The following ARFGEF1 variants were observed in gnomAD, a reference collection of about 807,000 sequenced individuals.
ARFGEF1 encodes ARF guanine nucleotide exchange factor 1.
Under a neutral mutation model 231.0 loss-of-function variants are expected in ARFGEF1, and 42 were observed. That is an observed-to-expected ratio of 0.18 (90% CI 0.14 to 0.24). The LOEUF (loss-of-function observed/expected upper bound fraction) is 0.24, where lower values mean the gene tolerates loss of function less well. Ranked by LOEUF, ARFGEF1 falls within the 10% of genes least tolerant of loss-of-function variation. The pLI is 1.00. For missense variants in ARFGEF1, 1,345 were observed against 2,192.0 expected, an observed-to-expected ratio of 0.61 and a Z score of 7.72; for synonymous variants, 710 against 732.3, an observed-to-expected ratio of 0.97 and a Z score of 0.49.
chr8:67,208,138 G>A (rs1174452705), intron 34 of ARFGEF1, among the ~76,000 whole-genome samples: 1 of 152,112 alleles, frequency 6.6e-6, no homozygotes, highest in African/African-American at 2.4e-5. Context: ...CTGTTCTTTG[G>A]AGAACAGAAA....
At chr8:67,191,634 T>C (rs1398702697) in intron 5 of ARFGEF1, among the ~76,000 whole-genome samples, 1 of 152,254 alleles carries the variant, frequency 6.6e-6, no homozygotes, top group East Asian at 1.9e-4. Flanking sequence ...AATTTTCCAC[T>C]GTATTAGTAT....
At chr8:67,243,218 G>A (rs62513132) in intron 19 of ARFGEF1, among the ~76,000 whole-genome samples, 2 of 152,136 alleles carry the variant, frequency 1.3e-5, no homozygotes, top group Admixed American at 1.3e-4. Flanking sequence ...AAGCAGATAC[G>A]GCATGGATCA....
chr8:67,275,820 T>C (rs1461363289), intron 9 of ARFGEF1, among the ~76,000 whole-genome samples, 156 bp downstream of exon 9: 2 of 152,168 alleles, frequency 1.3e-5, no homozygotes, highest in East Asian at 1.9e-4. Context: ...TGTTTTTCAA[T>C]ACTTTTTTCT....
rs1808750447 is a variant in ARFGEF1, at chr8:67,343,363, G to A, written c.-76C>T. 11 of 1,485,878 alleles carry A rather than the reference G, an allele frequency of 7.4e-6. No homozygotes were observed. The highest frequency in any genetic ancestry group is 9.1e-6 in the Non-Finnish European group (10 of 1,104,386). The allele number at this position is 1,485,878 out of a possible 1,614,324, so 92.0% of individuals were successfully genotyped here. ...TGGAGGGGAGGAGGAGGAGAGGAAG[G>A]AAGAGAAGAGAGAAAGGAGAGGGGG... is the stretch of plus-strand genomic sequence containing the variant. On this transcript the variant is annotated 5_prime_UTR_variant, in exon 1 of 39. Coordinates refer to ENST00000262215, the MANE Select transcript of ARFGEF1 (RefSeq NM_006421.5).
At chr8:67,228,189 G>T in intron 24 of ARFGEF1, 35 bp downstream of exon 24, 1 of 1,608,076 alleles carries the variant, frequency 6.2e-7, no homozygotes, top group Non-Finnish European at 8.5e-7. Flanking sequence ...TTAGCCCCAA[G>T]CCAGTTCCGA....
At chr8:67,254,965 A>G (rs752816980) in intron 17 of ARFGEF1, among the ~76,000 whole-genome samples, 28 of 152,192 alleles carry the variant, frequency 1.8e-4, no homozygotes, top group Non-Finnish European at 3.5e-4. Context: ...TAAAAAACAC[A>G]CCAGGAATAA....
At chr8:67,293,563 A>G (rs187203713) in intron 5 of ARFGEF1, among the ~76,000 whole-genome samples, 69 of 152,288 alleles carry the variant, frequency 4.5e-4, no homozygotes, top group African/African-American at 1.6e-3. Context: ...CTAAAGTACT[A>G]TCATCTATAA....
intron 29 of ARFGEF1, among the ~76,000 whole-genome samples, chr8:67,223,002 A>G (rs1839252924): frequency 6.6e-6 from 1 of 152,242 alleles, no homozygotes; most frequent in Non-Finnish European, 1.5e-5. Flanking sequence ...AGATTTGTGT[A>G]AGTACATGCT....
chr8:67,222,269 ATTTT>A (rs1174208098), intron 29 of ARFGEF1, among the ~76,000 whole-genome samples: 4 of 101,948 alleles, frequency 3.9e-5, no homozygotes, highest in Admixed American at 2.1e-4. Context: ...GTATGTATGT[ATTTT>A]TTTTTTTTTT....
intron 17 of ARFGEF1, among the ~76,000 whole-genome samples, chr8:67,255,893 T>C (rs1840438657): frequency 6.6e-6 from 1 of 152,250 alleles, no homozygotes; most frequent in South Asian, 2.1e-4. Context: ...TTAGAAACTT[T>C]TCACAGTCTA....
intron 34 of ARFGEF1, 129 bp downstream of exon 34, chr8:67,211,345 CAAAAAAAAA>C (rs375793043): frequency 8.1e-6 from 2 of 247,332 alleles, no homozygotes; most frequent in Admixed American, 1.0e-4. Context: ...AACTCCGTCT[CAAAAAAAAA>C]AAAAAAAAAA....
chr8:67,299,488 T>C, intron 3 of ARFGEF1, 133 bp from the exon 4 acceptor site: 1 of 816,740 alleles, frequency 1.2e-6, no homozygotes, highest in Non-Finnish European at 1.8e-6. Context: ...AAAGGTATTA[T>C]CAAAGCCAAA....
chr8:67,194,170 T>TAC (rs1837218529), downstream of ARFGEF1, among the ~76,000 whole-genome samples: 1 of 152,330 alleles, frequency 6.6e-6, no homozygotes, highest in South Asian at 2.1e-4. Context: ...CTGCCAGCCC[T>TAC]ACACCACCCT....
chr8:67,193,570 T>G (rs1837026330), downstream of ARFGEF1: 1 of 1,613,756 alleles, frequency 6.2e-7, no homozygotes, highest in African/African-American at 1.3e-5. Context: ...ATGCGAAGAC[T>G]GAATGAATTT....
chr8:67,299,578 A>G (rs918568247), intron 3 of ARFGEF1, among the ~76,000 whole-genome samples: 1 of 152,208 alleles, frequency 6.6e-6, no homozygotes, highest in Non-Finnish European at 1.5e-5. Flanking sequence ...AAAACAGAAC[A>G]ATAACCACAA....
intron 6 of ARFGEF1, 110 bp downstream of exon 6, chr8:67,291,737 C>T: frequency 7.1e-7 from 1 of 1,399,932 alleles, no homozygotes; most frequent in Non-Finnish European, 9.7e-7. Context: ...CACAATGTGT[C>T]TGACACACTT....
rs1263959407 is a variant in ARFGEF1, at chr8:67,277,391, C to T, written c.1094G>A (p.Ser365Asn). The T allele has an allele frequency of 3.7e-6, 6 of 1,613,828 alleles. No individual in the cohort carries two copies. The highest frequency in any genetic ancestry group is 5.1e-6 in the Non-Finnish European group (6 of 1,179,854). Reference sequence around the variant, plus strand: ...ATTTGCTTGAATATTTTCACTGTCACTACCATCCTCTATAGTTCCAATGTT... The same window carrying T: ...ATTTGCTTGAATATTTTCACTGTCATTACCATCCTCTATAGTTCCAATGTT... ...DGNIGTIEDGSDSENIQANGI... is the reference protein window; with the variant it reads ...DGNIGTIEDGNDSENIQANGI... The change falls in exon 8 of 39, where the codon AGT becomes AAT. Residue 365 changes from serine (S) to asparagine (N), a missense_variant. Ser to Asn is a conservative substitution (Grantham distance 46). Around this residue, in one of 14 missense-constraint regions of ARFGEF1, gnomAD observed 398 missense variants for 463.2 expected, o/e 0.86. Coordinates refer to ENST00000262215, the MANE Select transcript of ARFGEF1 (RefSeq NM_006421.5).
At chr8:67,255,807 A>G (rs1397188942) in intron 17 of ARFGEF1, among the ~76,000 whole-genome samples, 1 of 152,224 alleles carries the variant, frequency 6.6e-6, no homozygotes, top group African/African-American at 2.4e-5. Context: ...CTCCAAGCAC[A>G]TGTTCTGCAA....
intron 29 of ARFGEF1, among the ~76,000 whole-genome samples, chr8:67,222,192 T>TATATACACAC (rs1554636819): frequency 1.7e-4 from 24 of 139,204 alleles, no homozygotes; most frequent in African/African-American, 6.2e-4. Context: ...CATATATATA[T>TATATACACAC]ATATATATAT....
Sources: gnomAD v4.1 joint callset for allele counts (sites outside exome capture counted in the v4.1 genomes callset) on GRCh38, gnomAD v4.1.1 for gene constraint, gnomAD v4.1.1 regional missense constraint, MANE v1.5 for transcripts, NCBI Gene and HGNC (gene_info 2026-07-23, HGNC 2026-07-21) for gene names.